The following LRRC75A variants were observed in gnomAD, a reference collection of about 807,000 sequenced individuals.
LRRC75A encodes leucine-rich repeat-containing protein 75A.
A neutral mutation model predicts 26.0 loss-of-function variants in LRRC75A; 12 were observed. The ratio of observed to expected loss-of-function variants is 0.46; its 90% CI spans 0.30 to 0.75. The LOEUF (loss-of-function observed/expected upper bound fraction) is 0.75. Ranked by LOEUF, LRRC75A falls within the 30% of genes least tolerant of loss-of-function variation. LRRC75A has a pLI of 0.08. For missense variants in LRRC75A, 410 were observed against 486.6 expected (o/e 0.84, Z 1.48); for synonymous variants, 223 against 219.3 (o/e 1.02, Z -0.15).
At chr17:16,485,095 T>A (rs2093843412) in intron 1 of LRRC75A, among the ~76,000 whole-genome samples, 2 of 151,982 alleles carry the variant, frequency 1.3e-5, no homozygotes, top group Admixed American at 1.3e-4. Context: ...CGCCAAGGTC[T>A]CTGTTCTCAT....
At chr17:16,468,491 A>G (rs2093786094) in intron 1 of LRRC75A, among the ~76,000 whole-genome samples, 1 of 152,234 alleles carries the variant, frequency 6.6e-6, no homozygotes, top group Admixed American at 6.5e-5. Flanking sequence ...TTTCACTTAT[A>G]TGAGGTATGT....
In LRRC75A at chr17:16,492,114, CGCGGGCGTCGCGGGGGCGG is replaced by C; in HGVS notation, c.-143_-125del. 2.5e-6 allele frequency: 2 copies of C among 807,690 alleles called. No individual in the cohort carries two copies. Among genetic ancestry groups the C allele is most frequent in the Non-Finnish European group, 3.0e-6 (2 of 663,952 alleles). 50.0% of individuals were successfully genotyped at this position (807,690 alleles called of 1,614,324 possible). ...CTGCAACTTTGGGGGAACTGTTGCG[CGCGGGCGTCGCGGGGGCGG>C]GCGGGCGGGCGGCTGTCGGCGCTCC... On this transcript the variant is annotated 5_prime_UTR_variant, in exon 1 of 4. Coordinates refer to ENST00000470794, the MANE Select transcript of LRRC75A (RefSeq NM_001113567.3).
chr17:16,460,576 T>C (rs1470293068), intron 2 of LRRC75A, among the ~76,000 whole-genome samples: 1 of 152,174 alleles, frequency 6.6e-6, no homozygotes, highest in Non-Finnish European at 1.5e-5. Flanking sequence ...CCTGCCCCCA[T>C]GGGCACTGAC....
intron 1 of LRRC75A, among the ~76,000 whole-genome samples, chr17:16,487,406 A>C (rs1331437858): frequency 6.6e-6 from 1 of 152,108 alleles, no homozygotes; most frequent in East Asian, 1.9e-4. Flanking sequence ...ATCTCCAGGG[A>C]GTCTCCAGGT....
chr17:16,478,201 T>C (rs886559322), intron 1 of LRRC75A, among the ~76,000 whole-genome samples: 3 of 150,920 alleles, frequency 2.0e-5, no homozygotes, highest in Non-Finnish European at 4.4e-5. Context: ...CTTTTTTTTT[T>C]TTTTGAGATG....
chr17:16,443,468 G>T lies in LRRC75A; in HGVS notation c.*120C>A, dbSNP rs185638363. ...ATATGGTTTGCCTTTCTGTAGGTGG[G>T]TGGCCCAGGCCAATTTTTGGCAATA... On this transcript the variant is annotated 3_prime_UTR_variant, in exon 4 of 4. Coordinates refer to ENST00000470794, the MANE Select transcript of LRRC75A (RefSeq NM_001113567.3). The T allele has an allele frequency of 4.4e-4, 398 of 907,872 alleles. No homozygotes were observed. The highest frequency in any genetic ancestry group is 1.2e-4 in the Non-Finnish European group (73 of 625,334). 56.2% of individuals were successfully genotyped at this position (907,872 alleles called of 1,614,324 possible).
At chr17:16,473,622 G>C (rs2093812849) in intron 1 of LRRC75A, among the ~76,000 whole-genome samples, 1 of 151,792 alleles carries the variant, frequency 6.6e-6, no homozygotes, top group South Asian at 2.1e-4. Flanking sequence ...AACTGCTGGT[G>C]GGGGGTCATT....
chr17:16,456,663 A>G (rs534424130), intron 2 of LRRC75A, among the ~76,000 whole-genome samples: 1 of 152,278 alleles, frequency 6.6e-6, no homozygotes, highest in African/African-American at 2.4e-5. Context: ...AGGGTAGAGC[A>G]GCGAGGAGGG....
chr17:16,448,192 T>C (rs573871131), intron 2 of LRRC75A: 23 of 506,466 alleles, frequency 4.5e-5, no homozygotes, highest in South Asian at 4.1e-4. Context: ...AACAGATTTA[T>C]GTAAGTCTGG....
chr17:16,481,361 T>G lies in LRRC75A; in HGVS notation c.246+10384A>C, dbSNP rs575543620. On this transcript the variant is annotated intron_variant, in intron 1 of 3. Coordinates refer to ENST00000470794, the MANE Select transcript of LRRC75A (RefSeq NM_001113567.3). The stretch of plus-strand genomic sequence containing the variant: ...CTCTCCTGCCCGCTCACAGGAAGTG[T>G]GATAGTCAACTGTAGGTGTTTATAC... Among the ~76,000 whole-genome samples, 4 of 152,260 alleles carry G rather than the reference T, an allele frequency of 2.6e-5. No individual in the cohort carries two copies. In the South Asian group the frequency reaches 6.2e-4, roughly 24 times the overall value.
rs758665762 is a variant in LRRC75A, at chr17:16,443,220, ATTC to A, written c.*365_*367del. On this transcript the variant is annotated 3_prime_UTR_variant, in exon 4 of 4. Transcript: ENST00000470794. ...GCAGTACATGTAGGGGCCCTACTGTATTCTTTTTCTGGGGGAAAGCTCTTGGTG... is the reference window on the plus strand; with the variant it reads ...GCAGTACATGTAGGGGCCCTACTGTATTTTTCTGGGGGAAAGCTCTTGGTG... 3.6e-4 allele frequency: 84 copies of A among 231,256 alleles called. No individual in the cohort carries two copies. Among genetic ancestry groups the A allele is most frequent in the Non-Finnish European group, 5.9e-4 (70 of 118,606 alleles). 14.3% of individuals were successfully genotyped at this position (231,256 alleles called of 1,614,324 possible).
At position 16,491,818 on chromosome 17, in the gene LRRC75A, A is replaced by G; in HGVS notation, c.173T>C (p.Val58Ala). 7.1e-7 allele frequency: 1 copy of G among 1,413,358 alleles called. No homozygotes were observed. The highest frequency in any genetic ancestry group is 9.2e-7 in the Non-Finnish European group (1 of 1,081,566). 87.6% of individuals were successfully genotyped at this position (1,413,358 alleles called of 1,614,324 possible). A position where few individuals can be genotyped will look rare whatever the true frequency, so the allele number is the denominator to read the frequency against. The stretch of plus-strand genomic sequence containing the variant: ...GCGCACCATCCGCAGCAGCTCCTGG[A>G]CCATGCCGACTCGCCGGTGGTAGGG... ...MPPYHRRVGM[V>A]QELLRMVRQG... Residue 58 changes from valine (V) to alanine (A), a missense_variant, in exon 1 of 4, where the codon GTC (valine) becomes GCC (alanine). Val to Ala is a moderately conservative substitution (Grantham distance 64). Transcript: ENST00000470794. This position sits in a 1 kb window ranked among gnomAD's most constrained non-coding sequence, Gnocchi z 5.9.
chr17:16,456,472 AAAG>A (rs1442936620), intron 2 of LRRC75A, among the ~76,000 whole-genome samples: 1 of 110,280 alleles, frequency 9.1e-6, no homozygotes, highest in African/African-American at 3.3e-5. Context: ...GGAGAAGGAG[AAAG>A]AAGAGGAGGA....
intron 2 of LRRC75A, among the ~76,000 whole-genome samples, chr17:16,452,196 A>G (rs1260902290): frequency 6.6e-6 from 1 of 150,778 alleles, no homozygotes; most frequent in Non-Finnish European, 1.5e-5. Context: ...AAAAAAAAAA[A>G]AAAAAAAAAA....
chr17:16,448,502 G>A lies in LRRC75A; in HGVS notation c.376-542C>T, dbSNP rs11871963. ...ATGAGGAGGCCAAGTCTTTCCCAGCGCAGTTCATTCACATGCGTTCCTGTC... is the reference window on the plus strand; with the variant it reads ...ATGAGGAGGCCAAGTCTTTCCCAGCACAGTTCATTCACATGCGTTCCTGTC... On this transcript the variant is annotated intron_variant, in intron 2 of 3. Transcript: ENST00000470794. Among the ~76,000 whole-genome samples, 414 of 152,184 alleles carry A rather than the reference G, an allele frequency of 2.7e-3. 1 individual carries two copies. Among genetic ancestry groups the A allele is most frequent in the African/African-American group, 9.6e-3 (397 of 41,538 alleles).
At chr17:16,449,511 T>A (rs542490605) in intron 2 of LRRC75A, among the ~76,000 whole-genome samples, 2 of 152,316 alleles carry the variant, frequency 1.3e-5, no homozygotes, top group East Asian at 3.9e-4. Flanking sequence ...CCAGGCACAC[T>A]CTAAGTGAAT....
At chr17:16,488,877 C>A (rs1439107154) in intron 1 of LRRC75A, among the ~76,000 whole-genome samples, 2 of 152,102 alleles carry the variant, frequency 1.3e-5, no homozygotes, top group Non-Finnish European at 2.9e-5. Flanking sequence ...AGAAGTGGCA[C>A]CAGCAGCCAC....
At chr17:16,457,310 G>A (rs1044178629) in intron 2 of LRRC75A, among the ~76,000 whole-genome samples, 1 of 152,118 alleles carries the variant, frequency 6.6e-6, no homozygotes, top group East Asian at 1.9e-4. Context: ...ACTGTGTGCC[G>A]GCTTTTCTGT....
chr17:16,491,634 G>A lies in LRRC75A; in HGVS notation c.246+111C>T. 1.3e-6 allele frequency: 1 copy of A among 781,618 alleles called. No individual in the cohort carries two copies. The highest frequency in any genetic ancestry group is 1.7e-6 in the Non-Finnish European group (1 of 583,308). 48.4% of individuals were successfully genotyped at this position (781,618 alleles called of 1,614,324 possible). ...CTCCATCCCCGCGGAAGGGGCCCCT[G>A]GGCGGTGCCCCTCGGTGCCCCCGGC... is the stretch of plus-strand genomic sequence containing the variant. On this transcript the variant is annotated intron_variant, in intron 1 of 3. Transcript: ENST00000470794. This position sits in a 1 kb window ranked among gnomAD's most constrained non-coding sequence, Gnocchi z 5.9.
Sources: allele counts gnomAD v4.1 joint callset (sites outside exome capture counted in the v4.1 genomes callset), GRCh38; gene constraint gnomAD v4.1.1; non-coding constraint Gnocchi (gnomAD v3.1); transcripts MANE v1.5; gene names NCBI Gene and HGNC (gene_info 2026-07-23, HGNC 2026-07-21).